Variants in LIPC observed in about 807,000 individuals in gnomAD.
LIPC encodes lipase C, hepatic type.
In LIPC, 44 loss-of-function variants were observed where a neutral mutation model predicts 50.7. The ratio of observed to expected loss-of-function variants is 0.87; its 90% CI spans 0.68 to 1.11. LIPC has a LOEUF of 1.11. Among genes scored for constraint, LIPC ranks in the 50% most tolerant of loss-of-function variants. The pLI is 0.00. For synonymous variants in LIPC, 271 were observed against 256.4 expected (o/e 1.06, Z -0.54); for missense variants, 697 against 648.2 (o/e 1.08, Z -0.82).
At chr15:58,444,385 T>C (rs1393121575) in intron 1 of LIPC, among the ~76,000 whole-genome samples, 3 of 152,228 alleles carry the variant, frequency 2.0e-5, no homozygotes, top group African/African-American at 4.8e-5. Context: ...ACACCAGCTC[T>C]GTGCCAGGCC....
chr15:58,482,690 G>A (rs1404002434), intron 1 of LIPC, among the ~76,000 whole-genome samples: 2 of 152,124 alleles, frequency 1.3e-5, no homozygotes, highest in Non-Finnish European at 2.9e-5. Context: ...ACCCCTGGAT[G>A]TCCCCCTAAT....
chr15:58,447,868 A>G (rs1205036099), intron 1 of LIPC, among the ~76,000 whole-genome samples: 1 of 152,220 alleles, frequency 6.6e-6, no homozygotes, highest in Non-Finnish European at 1.5e-5. Context: ...TAGCACCTAC[A>G]GCTAAATATA....
chr15:58,526,198 G>T lies in LIPC; in HGVS notation c.89-12135G>T, dbSNP rs574203027. On this transcript the variant is annotated intron_variant, in intron 1 of 8. Coordinates refer to ENST00000299022, the MANE Select transcript of LIPC (RefSeq NM_000236.3). ...TGGCACCCAGGAGTCTGCATCTCCAGCACATGAATACATGAGAACCACTGC... is the reference window on the plus strand; with the variant it reads ...TGGCACCCAGGAGTCTGCATCTCCATCACATGAATACATGAGAACCACTGC... Among the ~76,000 whole-genome samples the T allele has an allele frequency of 3.9e-5, 6 of 152,354 alleles. No homozygotes were observed. In the East Asian group the frequency reaches 1.2e-3, roughly 29 times the overall value.
chr15:58,477,857 A>T (rs141360066), intron 1 of LIPC, among the ~76,000 whole-genome samples: 1 of 152,254 alleles, frequency 6.6e-6, no homozygotes, highest in East Asian at 1.9e-4. Context: ...ACCTGTGGGA[A>T]CTGACCTGAG....
intron 4 of LIPC, among the ~76,000 whole-genome samples, chr15:58,543,755 G>A (rs2140916892): frequency 6.6e-6 from 1 of 152,096 alleles, no homozygotes; most frequent in African/African-American, 2.4e-5. Context: ...TCCTGCCTTA[G>A]CCTCCCGAGT....
At chr15:58,529,719 A>G (rs188674653) in intron 1 of LIPC, among the ~76,000 whole-genome samples, 2 of 152,322 alleles carry the variant, frequency 1.3e-5, no homozygotes, top group Admixed American at 1.3e-4. Flanking sequence ...TCTGTCCTCC[A>G]GCACAGTAGA....
chr15:58,555,580 T>C (rs945273360), intron 6 of LIPC, among the ~76,000 whole-genome samples: 3 of 152,170 alleles, frequency 2.0e-5, no homozygotes, highest in Admixed American at 6.5e-5. Flanking sequence ...TCCACTTCCT[T>C]ATTTATATTC....
At chr15:58,457,797 C>T (rs1566913798) in intron 1 of LIPC, among the ~76,000 whole-genome samples, 1 of 152,134 alleles carries the variant, frequency 6.6e-6, no homozygotes, top group Non-Finnish European at 1.5e-5. Flanking sequence ...TAAGGATTTC[C>T]ATCTTGTACA....
intron 1 of LIPC, among the ~76,000 whole-genome samples, chr15:58,453,530 G>A (rs1893988813): frequency 6.6e-6 from 1 of 152,102 alleles, no homozygotes; most frequent in African/African-American, 2.4e-5. Flanking sequence ...GGTGGTGATG[G>A]GAATAGAGAC....
intron 1 of LIPC, among the ~76,000 whole-genome samples, chr15:58,443,372 G>A (rs1336026756): frequency 6.6e-6 from 1 of 152,116 alleles, no homozygotes; most frequent in African/African-American, 2.4e-5. Flanking sequence ...TGAAGCCCTG[G>A]ACCCCTCACA....
intron 1 of LIPC, among the ~76,000 whole-genome samples, chr15:58,471,396 C>A (rs1350410573): frequency 6.6e-6 from 1 of 151,758 alleles, no homozygotes; most frequent in Non-Finnish European, 1.5e-5. Flanking sequence ...GATCCACCAG[C>A]CTTGGCCTCC....
In LIPC at chr15:58,541,860, G is replaced by A. The variant is rs1224146239; in HGVS notation, c.349G>A (p.Val117Met). The A allele has an allele frequency of 8.1e-6, 13 of 1,612,904 alleles. No homozygotes were observed. The highest frequency in any genetic ancestry group is 1.1e-5 in the South Asian group (1 of 91,028). ...GTCTCAGCCGGCCCAGCCAGTGAAC[G>A]TGGGGCTGGTGGACTGGATCACCCT... ...LKSQPAQPVN[V>M]GLVDWITLAH... is the part of the protein sequence containing the mutation. Residue 117 changes from valine to methionine, a missense_variant, in exon 3 of 9, where the codon GTG becomes ATG. Physicochemically the swap from Val to Met is conservative, Grantham distance 21. Coordinates refer to ENST00000299022, the MANE Select transcript of LIPC (RefSeq NM_000236.3).
At chr15:58,516,582 T>C (rs1378305036) in intron 1 of LIPC, among the ~76,000 whole-genome samples, 1 of 152,204 alleles carries the variant, frequency 6.6e-6, no homozygotes, top group South Asian at 2.1e-4. Context: ...AGTCCACTAA[T>C]CTTTTCTTCT....
intron 6 of LIPC, among the ~76,000 whole-genome samples, chr15:58,553,998 G>GA (rs1269483032): frequency 2.8e-4 from 40 of 140,570 alleles, no homozygotes; most frequent in South Asian, 6.8e-4. Context: ...CACGGAGGGG[G>GA]AAAAAAAAAA....
intron 1 of LIPC, among the ~76,000 whole-genome samples, chr15:58,466,624 C>A (rs545883323): frequency 6.6e-6 from 1 of 152,234 alleles, no homozygotes; most frequent in Non-Finnish European, 1.5e-5. Flanking sequence ...GGTTTATACA[C>A]TCTGGGTCAG....
intron 1 of LIPC, among the ~76,000 whole-genome samples, chr15:58,448,163 A>C (rs1455380022): frequency 1.3e-5 from 2 of 152,160 alleles, no homozygotes; most frequent in African/African-American, 4.8e-5. Flanking sequence ...TAGGGCCCAA[A>C]TGTTGTCACC....
intron 1 of LIPC, among the ~76,000 whole-genome samples, chr15:58,511,060 G>A (rs1005507614): frequency 6.6e-6 from 1 of 152,200 alleles, no homozygotes; most frequent in African/African-American, 2.4e-5. Context: ...TAGCTTAAGA[G>A]ACTTCCCTAA....
intron 1 of LIPC, among the ~76,000 whole-genome samples, chr15:58,490,232 A>G (rs1891538528): frequency 6.6e-6 from 1 of 152,198 alleles, no homozygotes. Context: ...GGCACAGGGT[A>G]TCAGGCCAGG....
Position 58,548,540 on chromosome 15 carries a change from TC to T in LIPC, c.1021del (p.Leu341SerfsTer2). ...CCGCGGAGCAAGAGCAAGAGGCTCTTCCTCGTAACGCGAGCCCAGTCCCCCT... is the reference window on the plus strand; with the variant it reads ...CCGCGGAGCAAGAGCAAGAGGCTCTTCTCGTAACGCGAGCCCAGTCCCCCT... ...QEPRSKSKRL[F>X]LVTRAQSPFK... On this transcript the variant is annotated frameshift_variant, in exon 6 of 9. Transcript: ENST00000299022. LOFTEE classifies it high-confidence loss of function. The T allele has an allele frequency of 3.8e-6, 6 of 1,596,340 alleles. No homozygotes were observed. The highest frequency in any genetic ancestry group is 4.3e-6 in the Non-Finnish European group (5 of 1,171,486).
Sources: gnomAD v4.1 joint callset for allele counts (sites outside exome capture counted in the v4.1 genomes callset) on GRCh38, gnomAD v4.1.1 for gene constraint, MANE v1.5 for transcripts, NCBI Gene and HGNC (gene_info 2026-07-23, HGNC 2026-07-21) for gene names.